PTPRT: variants seen among roughly 807,000 people sequenced by gnomAD.
The protein encoded by PTPRT is receptor-type tyrosine-protein phosphatase T.
A neutral mutation model predicts 176.8 loss-of-function variants in PTPRT; 56 were observed. The ratio of observed to expected loss-of-function variants is 0.32; its 90% CI spans 0.26 to 0.40. PTPRT has a LOEUF of 0.40. PTPRT is among the 10% of genes least tolerant of loss of function. PTPRT has a pLI of 1.00. For synonymous variants in PTPRT, 783 were observed against 739.0 expected (o/e 1.06, Z -0.96); for missense variants, 1,540 against 1,908.2 (o/e 0.81, Z 3.60).
chr20:42,663,616 G>A (rs1455078580), intron 7 of PTPRT, among the ~76,000 whole-genome samples: 1 of 152,144 alleles, frequency 6.6e-6, no homozygotes, highest in Non-Finnish European at 1.5e-5. Flanking sequence ...GAAATGGGGA[G>A]TTCTGGTCAA....
chr20:42,265,254 ACAG>A (rs2056820168), intron 13 of PTPRT, among the ~76,000 whole-genome samples: 1 of 152,134 alleles, frequency 6.6e-6, no homozygotes, highest in Non-Finnish European at 1.5e-5. Flanking sequence ...GTCTATGGGC[ACAG>A]AGCATGGAGA....
intron 11 of PTPRT, among the ~76,000 whole-genome samples, chr20:42,344,660 G>C (rs1450674233): frequency 6.6e-6 from 1 of 152,152 alleles, no homozygotes; most frequent in African/African-American, 2.4e-5. Context: ...TGGCATGCTT[G>C]GTGGAGAGAA....
At chr20:42,145,748 G>A (rs1199932578) in intron 17 of PTPRT, among the ~76,000 whole-genome samples, 2 of 152,148 alleles carry the variant, frequency 1.3e-5, no homozygotes, top group Non-Finnish European at 2.9e-5. Context: ...CTACAACTTA[G>A]CCTTTCTTAG....
chr20:42,969,059 A>C (rs904245177), intron 1 of PTPRT: 1 of 152,140 alleles, frequency 6.6e-6, no homozygotes, highest in Non-Finnish European at 1.5e-5. Context: ...GGTTAACATG[A>C]ATATTGTGTT....
chr20:42,446,081 C>A (rs930936490), intron 9 of PTPRT, among the ~76,000 whole-genome samples: 1 of 152,112 alleles, frequency 6.6e-6, no homozygotes, highest in Non-Finnish European at 1.5e-5. Flanking sequence ...CAATCTAATG[C>A]ATCATCCTAC....
At chr20:42,205,087 G>A (rs957454511) in intron 15 of PTPRT, among the ~76,000 whole-genome samples, 9 of 117,716 alleles carry the variant, frequency 7.6e-5, no homozygotes, top group African/African-American at 2.9e-4. Flanking sequence ...GGGGAGGGGG[G>A]AGGGATAGCA....
intron 15 of PTPRT, among the ~76,000 whole-genome samples, chr20:42,201,187 A>C (rs1274448639): frequency 6.6e-6 from 1 of 152,020 alleles, no homozygotes; most frequent in Non-Finnish European, 1.5e-5. Flanking sequence ...CACCTGTGCT[A>C]CTCAGCAGGC....
intron 7 of PTPRT, among the ~76,000 whole-genome samples, chr20:42,526,893 T>C (rs1351967726): frequency 6.6e-6 from 1 of 151,964 alleles, no homozygotes; most frequent in Non-Finnish European, 1.5e-5. Flanking sequence ...CAAAGATTAA[T>C]GTCATAGGAT....
chr20:43,084,209 C>A (rs1247489685), intron 1 of PTPRT, among the ~76,000 whole-genome samples: 1 of 152,190 alleles, frequency 6.6e-6, no homozygotes, highest in South Asian at 2.1e-4. Flanking sequence ...AGTGGCCATG[C>A]CATTGTACAT....
intron 2 of PTPRT, among the ~76,000 whole-genome samples, chr20:42,869,092 A>T (rs950554811): frequency 2.0e-5 from 3 of 152,120 alleles, no homozygotes; most frequent in African/African-American, 7.2e-5. Flanking sequence ...TGCCCTGGAG[A>T]GCCTCAGTGC....
intron 7 of PTPRT, among the ~76,000 whole-genome samples, chr20:42,564,244 T>A (rs1469797943): frequency 6.6e-6 from 1 of 152,180 alleles, no homozygotes; most frequent in African/African-American, 2.4e-5. Flanking sequence ...CTAGAAATAT[T>A]TGGGATCAAC....
intron 7 of PTPRT, among the ~76,000 whole-genome samples, chr20:42,578,665 T>A (rs2073309255): frequency 6.6e-6 from 1 of 152,180 alleles, no homozygotes; most frequent in Non-Finnish European, 1.5e-5. Context: ...TTAAAATATA[T>A]CCAGAATCAA....
At chr20:42,111,092 T>C (rs1568941713) in intron 22 of PTPRT, among the ~76,000 whole-genome samples, 1 of 152,176 alleles carries the variant, frequency 6.6e-6, no homozygotes, top group African/African-American at 2.4e-5. Flanking sequence ...GAGTGGGGCC[T>C]AGAGCTCTGA....
chr20:42,886,290 G>A (rs911185004), intron 1 of PTPRT, among the ~76,000 whole-genome samples: 3 of 152,146 alleles, frequency 2.0e-5, no homozygotes, highest in African/African-American at 7.2e-5. Flanking sequence ...GAGATGCTGT[G>A]AGGCAGCGGA....
chr20:42,135,088 C>A (rs1283443774), intron 18 of PTPRT, among the ~76,000 whole-genome samples: 2 of 152,204 alleles, frequency 1.3e-5, no homozygotes, highest in Admixed American at 1.3e-4. Context: ...CCCAGCCTAT[C>A]CCTTCCAAAG....
chr20:42,680,721 C>T (rs2075588252), intron 6 of PTPRT, among the ~76,000 whole-genome samples: 1 of 152,154 alleles, frequency 6.6e-6, no homozygotes, highest in Admixed American at 6.5e-5. Flanking sequence ...GTTTTCTGCT[C>T]TCCTATTTCA....
At chr20:42,669,600 T>C (rs1164529276) in intron 7 of PTPRT, among the ~76,000 whole-genome samples, 1 of 152,216 alleles carries the variant, frequency 6.6e-6, no homozygotes, top group African/African-American at 2.4e-5. Context: ...TCCCATTTTA[T>C]AGATGGTGCC....
chr20:42,132,973 AC>A (rs560028025), intron 18 of PTPRT, among the ~76,000 whole-genome samples: 1 of 152,210 alleles, frequency 6.6e-6, no homozygotes, highest in South Asian at 2.1e-4. Context: ...ACGGTCCCTC[AC>A]TTGGGATGAT....
intron 6 of PTPRT, among the ~76,000 whole-genome samples, chr20:42,716,604 T>C (rs931793075): frequency 1.3e-5 from 2 of 152,226 alleles, no homozygotes; most frequent in African/African-American, 4.8e-5. Context: ...GGTTGTTTGT[T>C]TTTTTCTTGT....
Sources: allele counts gnomAD v4.1 joint callset (sites outside exome capture counted in the v4.1 genomes callset), GRCh38; gene constraint gnomAD v4.1.1; transcripts MANE v1.5; gene names NCBI Gene and HGNC (gene_info 2026-07-23, HGNC 2026-07-21).